The following DMD variants were observed in gnomAD, a reference collection of about 807,000 sequenced individuals.
DMD encodes mutant dystrophin.
In DMD, 63 loss-of-function variants were observed where a neutral mutation model predicts 330.1. The observed-to-expected ratio is 0.19, with a 90% CI of 0.16 to 0.24. The LOEUF (loss-of-function observed/expected upper bound fraction) is 0.24. Ranked by LOEUF, DMD falls within the 10% of genes least tolerant of loss-of-function variation. The probability of loss-of-function intolerance (pLI) is 1.00; values close to 1 mark genes in which losing one functional copy is unlikely to be tolerated. For synonymous variants in DMD, 1,223 were observed against 959.8 expected (o/e 1.27, Z -5.07); for missense variants, 3,344 against 2,684.1 (o/e 1.25, Z -5.43).
intron 1 of DMD, among the ~76,000 whole-genome samples, chrX:33,331,646 C>A (rs747722754): frequency 4.5e-5 from 5 of 111,322 alleles, no homozygotes; most frequent in African/African-American, 9.8e-5. Flanking sequence ...TGATAAGCAC[C>A]ATCCATTTAC....
intron 2 of DMD, among the ~76,000 whole-genome samples, chrX:32,877,554 A>G (rs1375177941): frequency 8.9e-6 from 1 of 112,170 alleles, no homozygotes; most frequent in African/African-American, 3.2e-5. Context: ...GTTATAGCCA[A>G]AAAATCGTGT....
chrX:32,692,077 G>T (rs752097904), intron 9 of DMD, among the ~76,000 whole-genome samples: 1 of 112,004 alleles, frequency 8.9e-6, no homozygotes, highest in South Asian at 3.7e-4. Flanking sequence ...AAGATCTGTT[G>T]TACAACTTGT....
chrX:31,414,729 C>T lies in DMD; in HGVS notation c.9084+29752G>A, dbSNP rs746926494. 3.6e-5 allele frequency among the ~76,000 whole-genome samples: 4 copies of T among 112,150 alleles called. No homozygotes were observed. The South Asian group carries it at 1.5e-3, about 42-fold the overall frequency. ...ATATTATAAAAGAAAATATGAAAAA[C>T]TGGAGTTTCAGTAGCTCCTTAAGAA... On this transcript the variant is annotated intron_variant, in intron 60 of 78. Transcript: ENST00000357033.
intron 1 of DMD, among the ~76,000 whole-genome samples, chrX:33,039,364 C>T (rs1432544769): frequency 9.3e-6 from 1 of 107,378 alleles, no homozygotes; most frequent in African/African-American, 3.4e-5. Flanking sequence ...CCCACCCCAC[C>T]AAACAAACAA....
At chrX:32,431,324 G>T (rs66499919) in intron 29 of DMD, among the ~76,000 whole-genome samples, 4,565 of 111,277 alleles carry the variant, frequency 0.041, 165 homozygotes, top group African/African-American at 0.11. Context: ...TGATTAATGA[G>T]TTTGAGCACC....
intron 7 of DMD, among the ~76,000 whole-genome samples, chrX:32,807,409 T>G (rs1455645993): frequency 1.8e-5 from 2 of 111,283 alleles, no homozygotes; most frequent in Non-Finnish European, 3.8e-5. Context: ...GCTTTACAGA[T>G]ATGAGATTTT....
chrX:33,021,094 A>T (rs1265990320), intron 1 of DMD, among the ~76,000 whole-genome samples: 1 of 111,386 alleles, frequency 9.0e-6, no homozygotes, highest in Non-Finnish European at 1.9e-5. Context: ...ACAACTCTAA[A>T]ATTTCTAGGA....
At chrX:32,919,817 A>G (rs1012462221) in intron 2 of DMD, among the ~76,000 whole-genome samples, 9 of 111,572 alleles carry the variant, frequency 8.1e-5, no homozygotes, top group African/African-American at 2.3e-4. Flanking sequence ...CTGGAGATAT[A>G]TAACTATATA....
At chrX:31,403,600 G>T (rs1448858106) in intron 60 of DMD, among the ~76,000 whole-genome samples, 1 of 111,405 alleles carries the variant, frequency 9.0e-6, no homozygotes, top group Non-Finnish European at 1.9e-5. Context: ...AGAAAAATAA[G>T]TTTATTAGAA....
At chrX:32,866,752 G>GGGGGGGT (rs2082539861) in intron 2 of DMD, among the ~76,000 whole-genome samples, 2 of 84,103 alleles carry the variant, frequency 2.4e-5, no homozygotes, top group Non-Finnish European at 4.6e-5. Context: ...TGGGGGGGGG[G>GGGGGGGT]GGACAGAGTT....
chrX:31,346,923 C>A (rs1204384478), intron 61 of DMD, among the ~76,000 whole-genome samples: 1 of 95,981 alleles, frequency 1.0e-5, no homozygotes, highest in Non-Finnish European at 2.0e-5. Flanking sequence ...ATAGTTTGAA[C>A]CCGGGAGGCG....
chrX:32,342,961 T>C (rs2097751584), intron 40 of DMD, 173 bp downstream of exon 40: 1 of 520,129 alleles, frequency 1.9e-6, no homozygotes, highest in African/African-American at 2.3e-5. Flanking sequence ...TTACGTCAAT[T>C]GAATAACACT....
intron 44 of DMD, among the ~76,000 whole-genome samples, chrX:32,215,682 A>G (rs751421824): frequency 3.9e-4 from 44 of 111,695 alleles, no homozygotes; most frequent in Non-Finnish European, 7.7e-4. Flanking sequence ...CTACCCCAAA[A>G]CATTTTATAT....
At chrX:31,782,128 A>G (rs1166525327) in intron 50 of DMD, among the ~76,000 whole-genome samples, 6 of 111,638 alleles carry the variant, frequency 5.4e-5, no homozygotes, top group Non-Finnish European at 1.1e-4. Flanking sequence ...ATTACACAGG[A>G]ACTGTCTTAG....
Position 32,543,573 on chromosome X carries a change from CAT to C in DMD, c.2168+1584_2168+1585del, listed in dbSNP as rs767653858. ...GTCCACTAAGCGTTGTCTATAAACA[CAT>C]GTTTAATGTGACAACAAACAAGTTA... On this transcript the variant is annotated intron_variant, in intron 17 of 78. Transcript: ENST00000357033. 4.5e-4 allele frequency among the ~76,000 whole-genome samples: 51 copies of C among 112,165 alleles called. 1 individual carries two copies. The highest frequency in any genetic ancestry group is 1.4e-3 in the African/African-American group (42 of 30,894).
At chrX:33,085,778 A>G (rs1455750887) in intron 1 of DMD, 1 of 111,315 alleles carries the variant, frequency 9.0e-6, no homozygotes, top group Non-Finnish European at 1.9e-5. Context: ...CACCACTCAT[A>G]TACTCTCAGG....
chrX:31,227,287 GCA>G (rs774927702), intron 63 of DMD, among the ~76,000 whole-genome samples: 1 of 111,507 alleles, frequency 9.0e-6, no homozygotes, highest in East Asian at 2.8e-4. Context: ...AGTGGGAGAG[GCA>G]AGAATGATCT....
intron 47 of DMD, among the ~76,000 whole-genome samples, chrX:31,885,611 C>CAAAAAAAAAAAAAAAAAAAA (rs762289533): frequency 3.8e-5 from 2 of 52,341 alleles, no homozygotes; most frequent in Non-Finnish European, 6.6e-5. Flanking sequence ...CTCCGTCTCA[C>CAAAAAAAAAAAAAAAAAAAA]AAAAAAAAAA....
chrX:31,454,815 C>T (rs759369067), intron 59 of DMD, among the ~76,000 whole-genome samples: 12 of 110,871 alleles, frequency 1.1e-4, no homozygotes, highest in African/African-American at 3.6e-4. Flanking sequence ...TGCAGCAGTG[C>T]GATCATAGCT....
Sources: gnomAD v4.1 joint callset for allele counts (sites outside exome capture counted in the v4.1 genomes callset) on GRCh38, gnomAD v4.1.1 for gene constraint, MANE v1.5 for transcripts, NCBI Gene and HGNC (gene_info 2026-07-23, HGNC 2026-07-21) for gene names.